THNSL1: variants seen among roughly 807,000 people sequenced by gnomAD.
THNSL1 encodes the protein threonine synthase-like 1.
THNSL1 carries 48 observed loss-of-function variants against 50.4 expected under a neutral mutation model. The observed-to-expected ratio is 0.95, with a 90% CI of 0.76 to 1.21. The LOEUF (loss-of-function observed/expected upper bound fraction) is 1.21. THNSL1 is among the 50% of genes most tolerant of loss of function. THNSL1 has a pLI of 0.00. For missense variants in THNSL1, 896 were observed against 871.7 expected (o/e 1.03, Z -0.35); for synonymous variants, 309 against 306.1 (o/e 1.01, Z -0.10).
chr10:24,995,733 C>T, the THNSL1 span: 4 of 1,613,976 alleles, frequency 2.5e-6, no homozygotes, highest in South Asian at 3.3e-5. Context: ...TTGGTTTAGG[C>T]TTTTTAGCCA....
the THNSL1 span, among the ~76,000 whole-genome samples, chr10:25,001,219 A>C: frequency 6.6e-6 from 1 of 151,862 alleles, no homozygotes; most frequent in African/African-American, 2.4e-5. Flanking sequence ...GACATTTTTA[A>C]ACTTCTGGCT....
the THNSL1 span, among the ~76,000 whole-genome samples, chr10:25,007,117 T>C: frequency 3.3e-5 from 5 of 152,342 alleles, no homozygotes; most frequent in East Asian, 3.9e-4. Flanking sequence ...CTGTAAAAAT[T>C]TGAGTCATCA....
chr10:25,000,599 A>G, the THNSL1 span, among the ~76,000 whole-genome samples: 10 of 152,106 alleles, frequency 6.6e-5, no homozygotes, highest in African/African-American at 2.4e-4. Flanking sequence ...GTGCTCTAGA[A>G]TCTACTCTGT....
At chr10:25,019,529 A>G (rs1312758805) in intron 1 of THNSL1, among the ~76,000 whole-genome samples, 3 of 152,226 alleles carry the variant, frequency 2.0e-5, no homozygotes, top group African/African-American at 7.2e-5. Flanking sequence ...CAAACAAAAA[A>G]GCAAATTAGT....
chr10:24,986,780 A>G, the THNSL1 span, among the ~76,000 whole-genome samples: 1 of 152,224 alleles, frequency 6.6e-6, no homozygotes, highest in Admixed American at 6.5e-5. Context: ...ATTTCATATT[A>G]TATTGAAATA....
chr10:25,007,624 C>T, the THNSL1 span, among the ~76,000 whole-genome samples: 2 of 152,016 alleles, frequency 1.3e-5, no homozygotes, highest in Non-Finnish European at 2.9e-5. Flanking sequence ...TTAGTAGAGA[C>T]GGGGTTTCAC....
chr10:24,994,336 C>CT, the THNSL1 span, among the ~76,000 whole-genome samples: 889 of 137,664 alleles, frequency 6.5e-3, 6 homozygotes, highest in Admixed American at 0.01. Flanking sequence ...ATTCTGCACT[C>CT]TTTTTTTTTT....
the THNSL1 span, among the ~76,000 whole-genome samples, chr10:24,955,990 T>C: frequency 0.52 from 78,548 of 151,802 alleles, 22,584 homozygotes; most frequent in African/African-American, 0.78. Context: ...TGACGTAAGG[T>C]GACCAATCAG....
At chr10:24,958,571 G>A in the THNSL1 span, among the ~76,000 whole-genome samples, 14 of 152,292 alleles carry the variant, frequency 9.2e-5, no homozygotes, top group East Asian at 1.9e-3. Context: ...ATAGTAACCC[G>A]TCTTTCCCGG....
At chr10:24,955,083 C>A in the THNSL1 span, among the ~76,000 whole-genome samples, 4 of 152,116 alleles carry the variant, frequency 2.6e-5, no homozygotes, top group Non-Finnish European at 4.4e-5. Context: ...TGGGAGGCCT[C>A]AGGAAATTTA....
chr10:25,024,301 CAT>C lies in THNSL1; in HGVS notation c.1081_1082del (p.Ile361PhefsTer30). 6.2e-7 allele frequency: 1 copy of C among 1,614,154 alleles called. No homozygotes were observed. Among genetic ancestry groups the C allele is most frequent in the Non-Finnish European group, 8.5e-7 (1 of 1,180,028 alleles). On this transcript the variant is annotated frameshift_variant, in exon 3 of 3. Transcript: ENST00000376356. LOFTEE classifies it high-confidence loss of function. The stretch of plus-strand genomic sequence containing the variant: ...AGATTTGTCTTTACAGCTTATGCCT[CAT>C]ATTTTTGCACACTGTATCCCACCAA... ...FKDLSLQLMP[H>X]IFAHCIPPSC...
intron 1 of THNSL1, among the ~76,000 whole-genome samples, chr10:25,018,332 C>G (rs78642603): frequency 0.02 from 3,082 of 152,240 alleles, 84 homozygotes; most frequent in African/African-American, 0.068. Context: ...ATGCCTGTGT[C>G]CACCGCATGT....
chr10:24,994,352 G>C, the THNSL1 span, among the ~76,000 whole-genome samples: 2 of 64,290 alleles, frequency 3.1e-5, no homozygotes, highest in Non-Finnish European at 6.2e-5. Flanking sequence ...TTTTTTTTTT[G>C]ACACCGAGTC....
the THNSL1 span, among the ~76,000 whole-genome samples, chr10:24,957,035 G>A: frequency 6.6e-6 from 1 of 152,130 alleles, no homozygotes; most frequent in South Asian, 2.1e-4. Flanking sequence ...AAATTGTCTT[G>A]CACAAAACAG....
At chr10:24,993,419 G>A in the THNSL1 span, among the ~76,000 whole-genome samples, 2 of 152,202 alleles carry the variant, frequency 1.3e-5, no homozygotes, top group Admixed American at 6.5e-5. Flanking sequence ...CAGTTACTAA[G>A]TGGCAGAGTT....
chr10:24,955,147 G>GGA, the THNSL1 span, among the ~76,000 whole-genome samples: 141 of 152,160 alleles, frequency 9.3e-4, no homozygotes, highest in Non-Finnish European at 1.5e-3. Context: ...TGGCAGAGCA[G>GGA]GAGAGAGAGA....
At chr10:25,010,585 C>A in the THNSL1 span, among the ~76,000 whole-genome samples, 2 of 151,126 alleles carry the variant, frequency 1.3e-5, no homozygotes, top group African/African-American at 4.9e-5. Context: ...CTAATGCTAT[C>A]CCTCCCCCCT....
chr10:25,012,998 G>A (rs547291903), upstream of THNSL1, among the ~76,000 whole-genome samples: 41 of 152,134 alleles, frequency 2.7e-4, no homozygotes, highest in Non-Finnish European at 3.4e-4. Flanking sequence ...ATGGGAGTGG[G>A]TCTTTCCTGT....
the THNSL1 span, among the ~76,000 whole-genome samples, chr10:24,967,274 C>T: frequency 5.3e-5 from 8 of 152,116 alleles, no homozygotes; most frequent in South Asian, 1.2e-3. Context: ...CCAGACTGCC[C>T]GTTCTTCTGT....
Sources: allele counts gnomAD v4.1 joint callset (sites outside exome capture counted in the v4.1 genomes callset), GRCh38; gene constraint gnomAD v4.1.1; transcripts MANE v1.5; gene names NCBI Gene and HGNC (gene_info 2026-07-23, HGNC 2026-07-21).